The following MYO10 variants were observed in gnomAD, a reference collection of about 807,000 sequenced individuals.
MYO10 encodes unconventional myosin-X.
MYO10 carries 133 observed loss-of-function variants against 257.3 expected under a neutral mutation model. That is an observed-to-expected ratio of 0.52 (90% CI 0.45 to 0.60). MYO10 has a LOEUF of 0.60. Among genes scored for constraint, MYO10 ranks in the 20% least tolerant of loss-of-function variants. The pLI is 0.00. For missense variants in MYO10, 2,399 were observed against 2,635.7 expected (o/e 0.91, Z 1.97); for synonymous variants, 1,104 against 1,028.6 (o/e 1.07, Z -1.40).
chr5:16,793,324 TTTTA>T (rs915053852), intron 4 of MYO10, among the ~76,000 whole-genome samples: 3 of 152,170 alleles, frequency 2.0e-5, no homozygotes, highest in Middle Eastern at 3.4e-3. Context: ...AATTAAGAAA[TTTTA>T]TTTATTTATT....
intron 1 of MYO10, among the ~76,000 whole-genome samples, chr5:16,889,474 AGAAAGAAGGAAG>A (rs1490991411): frequency 3.2e-4 from 43 of 133,394 alleles, no homozygotes; most frequent in Admixed American, 1.3e-3. Context: ...AGGGAAGAAA[AGAAAGAAGGAAG>A]GAAGGAAGGA....
At chr5:16,702,453 TTTAA>T (rs1211558760) in intron 24 of MYO10, 86 bp downstream of exon 24, 13 of 1,205,286 alleles carry the variant, frequency 1.1e-5, no homozygotes, top group Non-Finnish European at 1.5e-5. Flanking sequence ...ATCTTTCTAC[TTTAA>T]TTCAGTTTTG....
chr5:16,779,536 G>A lies in MYO10; in HGVS notation c.930+9C>T, dbSNP rs761257375. 6 of 1,493,976 alleles carry A rather than the reference G, an allele frequency of 4.0e-6. No individual in the cohort carries two copies. In the African/African-American group the frequency reaches 4.3e-5, roughly 11 times the overall value. The allele number at this position is 1,493,976 out of a possible 1,614,324, so 92.5% of individuals were successfully genotyped here. ...ATCTTAATAGGGAAAACATTTAAAA[G>A]TAACTTACAATAACTTCCCTAAAGG... On this transcript the variant is annotated intron_variant, in intron 9 of 40. Coordinates refer to ENST00000513610, the MANE Select transcript of MYO10 (RefSeq NM_012334.3).
Position 16,683,754 on chromosome 5 carries a change from G to A in MYO10, c.4046+126C>T, listed in dbSNP as rs181966652. ...AAGACTGGATTGCTGGGGTTGACAA[G>A]GTGGGAACACACAGCCTTGCGTGAT... On this transcript the variant is annotated intron_variant, in intron 30 of 40. Transcript: ENST00000513610. 3.9e-4 allele frequency: 340 copies of A among 867,048 alleles called. 1 individual carries two copies. The African/African-American group carries it at 5.0e-3, about 13-fold the overall frequency. 53.7% of individuals were successfully genotyped at this position (867,048 alleles called of 1,614,324 possible).
chr5:16,678,214 A>C (rs1291759056), intron 33 of MYO10, among the ~76,000 whole-genome samples: 1 of 152,220 alleles, frequency 6.6e-6, no homozygotes, highest in Non-Finnish European at 1.5e-5. Context: ...AAGGCTAAAA[A>C]TGAAATTATG....
At chr5:16,738,824 G>C (rs1266299876) in intron 19 of MYO10, among the ~76,000 whole-genome samples, 3 of 145,938 alleles carry the variant, frequency 2.1e-5, no homozygotes, top group Non-Finnish European at 4.5e-5. Flanking sequence ...CTAGGAGGCA[G>C]AGATTGCAGT....
chr5:16,666,928 A>T (rs1029224990), intron 40 of MYO10, 135 bp from the exon 41 acceptor site: 7 of 672,464 alleles, frequency 1.0e-5, no homozygotes, highest in Non-Finnish European at 1.7e-5. Context: ...ATTTTGCAGG[A>T]AGCCAGAAGT....
At chr5:16,819,685 A>G (rs917895298) in intron 2 of MYO10, among the ~76,000 whole-genome samples, 2 of 152,160 alleles carry the variant, frequency 1.3e-5, no homozygotes, top group Admixed American at 1.3e-4. Flanking sequence ...TTTATTGGAG[A>G]GGCTATTTTT....
At chr5:16,864,511 C>T (rs1744189300) in intron 2 of MYO10, among the ~76,000 whole-genome samples, 1 of 152,184 alleles carries the variant, frequency 6.6e-6, no homozygotes, top group South Asian at 2.1e-4. Context: ...CTAGAGCCTG[C>T]ATATTTGCGT....
chr5:16,704,203 T>G (rs1462287499), intron 22 of MYO10, among the ~76,000 whole-genome samples: 2 of 151,970 alleles, frequency 1.3e-5, no homozygotes, highest in Non-Finnish European at 2.9e-5. Flanking sequence ...TGTGTGTCTG[T>G]AGTCCCAACT....
intron 1 of MYO10, among the ~76,000 whole-genome samples, chr5:16,923,922 T>G (rs566697247): frequency 2.6e-5 from 4 of 152,190 alleles, no homozygotes; most frequent in Middle Eastern, 3.4e-3. Context: ...AGACCTCATC[T>G]CTACAAAAAA....
chr5:16,712,199 A>C (rs917743986), intron 19 of MYO10, among the ~76,000 whole-genome samples: 1 of 152,184 alleles, frequency 6.6e-6, no homozygotes, highest in Admixed American at 6.6e-5. Context: ...ACTTTGCTCA[A>C]ATTCTAGTCA....
At chr5:16,720,107 C>A (rs1739092848) in intron 19 of MYO10, among the ~76,000 whole-genome samples, 1 of 152,016 alleles carries the variant, frequency 6.6e-6, no homozygotes. Flanking sequence ...AGAGCAAACC[C>A]AGTCCCTGCT....
Position 16,710,974 on chromosome 5 carries a change from C to T in MYO10, c.2103G>A (p.Gly701=), listed in dbSNP as rs1738573791. 2 of 1,613,816 alleles carry T rather than the reference C, an allele frequency of 1.2e-6. No homozygotes were observed. The highest frequency in any genetic ancestry group is 8.5e-7 in the Non-Finnish European group (1 of 1,179,888). ...RNLALPEDVR[G]KCTSLLQLYD... ...AGAGCTGCAGCAGGCTCGTGCACTT[C>T]CCTCGGACGTCCTCAGGCAGAGCCA... The change falls in exon 21 of 41, where the codon GGG becomes GGA. Residue 701 remains glycine, a synonymous_variant. Transcript: ENST00000513610.
At chr5:16,757,467 C>T (rs1014396532) in intron 18 of MYO10, among the ~76,000 whole-genome samples, 3 of 151,970 alleles carry the variant, frequency 2.0e-5, no homozygotes, top group African/African-American at 7.3e-5. Context: ...TCTCATCTAA[C>T]CAGGGGGAAA....
chr5:16,727,060 C>T (rs1739396718), intron 19 of MYO10, among the ~76,000 whole-genome samples: 1 of 152,040 alleles, frequency 6.6e-6, no homozygotes, highest in Admixed American at 6.5e-5. Context: ...TAATTACACA[C>T]CAGATTTCAA....
In MYO10 at chr5:16,766,128, T is replaced by A. The variant is rs748436419; in HGVS notation, c.1131A>T (p.Ser377=). ...GGATCTCTTCTCCCCTGAGGAACAT[T>A]GATCTCTGGGTCAAAGCATCTGTGA... The part of the protein sequence containing the change: ...TQLTDALTQR[S]MFLRGEEILT... Residue 377 remains serine, a synonymous_variant, in exon 11 of 41, where the codon TCA becomes TCT. Coordinates refer to ENST00000513610, the MANE Select transcript of MYO10 (RefSeq NM_012334.3). 6.2e-7 allele frequency: 1 copy of A among 1,613,736 alleles called. No individual in the cohort carries two copies. Among genetic ancestry groups the A allele is most frequent in the African/African-American group, 1.3e-5 (1 of 74,908 alleles).
rs531129301 is a variant in MYO10, at chr5:16,799,682, G to A, written c.280-4849C>T. Among the ~76,000 whole-genome samples, 381 of 152,040 alleles carry A rather than the reference G, an allele frequency of 2.5e-3. 3 individuals are homozygous for A. Among genetic ancestry groups the A allele is most frequent in the African/African-American group, 8.7e-3 (361 of 41,484 alleles). ...TAATTTTTGCATTTCTACTAGAGAC[G>A]GGATTTCATATATTTTGGCCAGGCT... is the stretch of plus-strand genomic sequence containing the variant. On this transcript the variant is annotated intron_variant, in intron 3 of 40. Transcript: ENST00000513610.
chr5:16,831,655 T>C (rs1451013434), intron 2 of MYO10, among the ~76,000 whole-genome samples: 2 of 152,062 alleles, frequency 1.3e-5, no homozygotes, highest in African/African-American at 2.4e-5. Context: ...CTCATTCATA[T>C]GTGGGAGCAA....
Sources: allele counts gnomAD v4.1 joint callset (sites outside exome capture counted in the v4.1 genomes callset), GRCh38; gene constraint gnomAD v4.1.1; transcripts MANE v1.5; gene names NCBI Gene and HGNC (gene_info 2026-07-23, HGNC 2026-07-21).